Variants in KCNH8 observed in about 807,000 individuals in gnomAD.
The protein encoded by KCNH8 is potassium voltage-gated channel subfamily H member 8.
In KCNH8, 70 loss-of-function variants were observed where a neutral mutation model predicts 103.6. The ratio of observed to expected loss-of-function variants is 0.68; its 90% CI spans 0.56 to 0.82. The LOEUF (loss-of-function observed/expected upper bound fraction) is 0.82, where lower values mean the gene tolerates loss of function less well. Ranked by LOEUF, KCNH8 falls within the 40% of genes least tolerant of loss-of-function variation. The pLI is 0.00. For missense variants in KCNH8, 1,217 were observed against 1,329.9 expected (o/e 0.92, Z 1.32); for synonymous variants, 498 against 489.4 (o/e 1.02, Z -0.23).
intron 1 of KCNH8, among the ~76,000 whole-genome samples, chr3:19,224,734 T>C (rs532218319): frequency 1.3e-5 from 2 of 152,218 alleles, no homozygotes; most frequent in East Asian, 1.9e-4. Flanking sequence ...AATGTGTCAT[T>C]GATTAAACTG....
intron 10 of KCNH8, among the ~76,000 whole-genome samples, chr3:19,453,661 A>C (rs2067484025): frequency 6.6e-6 from 1 of 152,156 alleles, no homozygotes; most frequent in South Asian, 2.1e-4. Context: ...AGCCCTCGTG[A>C]ATGGGATTCG....
intron 1 of KCNH8, among the ~76,000 whole-genome samples, chr3:19,240,594 A>G (rs1332241156): frequency 6.6e-6 from 1 of 151,404 alleles, no homozygotes; most frequent in Non-Finnish European, 1.5e-5. Context: ...CCTGGGCAAC[A>G]AGAGCGAAAC....
chr3:19,422,499 A>G (rs1185003189), intron 7 of KCNH8, among the ~76,000 whole-genome samples: 2 of 152,114 alleles, frequency 1.3e-5, no homozygotes, highest in Admixed American at 6.6e-5. Context: ...AGGGATTTTT[A>G]GTTCCATATT....
intron 1 of KCNH8, among the ~76,000 whole-genome samples, chr3:19,192,364 A>G (rs892920360): frequency 6.6e-6 from 1 of 151,534 alleles, no homozygotes; most frequent in Non-Finnish European, 1.5e-5. Context: ...AGAGTCAGCT[A>G]CTCTCACTGG....
intron 11 of KCNH8, among the ~76,000 whole-genome samples, chr3:19,507,117 G>A (rs1195313912): frequency 1.3e-5 from 2 of 152,172 alleles, no homozygotes; most frequent in Non-Finnish European, 2.9e-5. Context: ...CCTGAGCTGG[G>A]GGCCCTGCTT....
chr3:19,311,163 C>T (rs1224042430), intron 3 of KCNH8, among the ~76,000 whole-genome samples: 1 of 151,668 alleles, frequency 6.6e-6, no homozygotes, highest in East Asian at 1.9e-4. Context: ...TTATATTTGC[C>T]TCTCATGTCT....
intron 1 of KCNH8, among the ~76,000 whole-genome samples, chr3:19,226,645 G>A (rs541584682): frequency 7.3e-4 from 97 of 133,298 alleles, no homozygotes; most frequent in African/African-American, 1.4e-3. Flanking sequence ...ACACACACAC[G>A]GGAAAATTCA....
chr3:19,311,124 T>C (rs2065202400), intron 3 of KCNH8, among the ~76,000 whole-genome samples: 1 of 151,782 alleles, frequency 6.6e-6, no homozygotes, highest in South Asian at 2.1e-4. Context: ...ACTCCCTTTA[T>C]AAGTTCTTTC....
chr3:19,239,325 A>C (rs1198597827), intron 1 of KCNH8, among the ~76,000 whole-genome samples: 2 of 152,174 alleles, frequency 1.3e-5, no homozygotes, highest in African/African-American at 4.8e-5. Context: ...CACCACAATC[A>C]CATTACCAGG....
chr3:19,532,454 TGA>T (rs2069178553), intron 15 of KCNH8, among the ~76,000 whole-genome samples: 2 of 152,210 alleles, frequency 1.3e-5, no homozygotes, highest in African/African-American at 4.8e-5. Context: ...AAATCTGGTA[TGA>T]GTTATTTTGT....
intron 3 of KCNH8, among the ~76,000 whole-genome samples, chr3:19,318,561 A>G (rs1023659492): frequency 1.3e-5 from 2 of 151,548 alleles, no homozygotes; most frequent in African/African-American, 4.8e-5. Context: ...CACTAAGAAT[A>G]ATGGTCTCCA....
At chr3:19,219,214 C>CT (rs2063847041) in intron 1 of KCNH8, among the ~76,000 whole-genome samples, 1 of 152,136 alleles carries the variant, frequency 6.6e-6, no homozygotes, top group Admixed American at 6.5e-5. Flanking sequence ...AAACTCCCTT[C>CT]TTTAAGTATG....
intron 3 of KCNH8, among the ~76,000 whole-genome samples, chr3:19,341,328 G>A (rs1237891755): frequency 6.6e-6 from 1 of 152,026 alleles, no homozygotes; most frequent in African/African-American, 2.4e-5. Context: ...TATCTATCAG[G>A]AGACTATCTT....
At chr3:19,508,254 G>C (rs1245707391) in intron 11 of KCNH8, among the ~76,000 whole-genome samples, 1 of 152,082 alleles carries the variant, frequency 6.6e-6, no homozygotes, top group East Asian at 1.9e-4. Flanking sequence ...TATTCTGCTT[G>C]ACTCTTGACC....
chr3:19,447,017 C>G (rs539082222), intron 8 of KCNH8, among the ~76,000 whole-genome samples: 3 of 152,014 alleles, frequency 2.0e-5, no homozygotes, highest in East Asian at 1.9e-4. Context: ...AAAAAAGAGA[C>G]GCCCACACAC....
intron 8 of KCNH8, among the ~76,000 whole-genome samples, chr3:19,447,970 A>G (rs1021973588): frequency 6.6e-6 from 1 of 151,910 alleles, no homozygotes; most frequent in Non-Finnish European, 1.5e-5. Context: ...TTATTTCATC[A>G]ATAAGTTATG....
chr3:19,356,522 A>G (rs2065883842), intron 5 of KCNH8, among the ~76,000 whole-genome samples: 1 of 152,064 alleles, frequency 6.6e-6, no homozygotes, highest in African/African-American at 2.4e-5. Flanking sequence ...ATTATTTGGG[A>G]TCAACATGGT....
intron 7 of KCNH8, among the ~76,000 whole-genome samples, chr3:19,403,390 ATATATAT>A (rs2066644284): frequency 7.2e-5 from 6 of 82,892 alleles, no homozygotes; most frequent in African/African-American, 3.1e-4. Context: ...ATATATATAT[ATATATAT>A]ATAAAATCCT....
intron 11 of KCNH8, among the ~76,000 whole-genome samples, chr3:19,503,311 C>G (rs1311951562): frequency 2.6e-5 from 4 of 152,100 alleles, no homozygotes; most frequent in Admixed American, 6.6e-5. Flanking sequence ...GAAATAGGAA[C>G]ACTTTTACAC....
Sources: allele counts gnomAD v4.1 joint callset (sites outside exome capture counted in the v4.1 genomes callset), GRCh38; gene constraint gnomAD v4.1.1; transcripts MANE v1.5; gene names NCBI Gene and HGNC (gene_info 2026-07-23, HGNC 2026-07-21).